The following DEPDC5 variants were observed in gnomAD, a reference collection of about 807,000 sequenced individuals.
DEPDC5 encodes GATOR1 complex protein DEPDC5.
Under a neutral mutation model 217.3 loss-of-function variants are expected in DEPDC5, and 73 were observed. The observed-to-expected ratio is 0.34, with a 90% CI of 0.28 to 0.41. The LOEUF is 0.41. Among genes scored for constraint, DEPDC5 ranks in the 10% least tolerant of loss-of-function variants. DEPDC5 has a pLI of 1.00. For synonymous variants in DEPDC5, 733 were observed against 756.7 expected (o/e 0.97, Z 0.51); for missense variants, 1,675 against 2,070.1 (o/e 0.81, Z 3.70).
chr22:31,811,596 C>T (rs1164603997), intron 20 of DEPDC5, among the ~76,000 whole-genome samples: 3 of 151,318 alleles, frequency 2.0e-5, no homozygotes, highest in Non-Finnish European at 2.9e-5. Context: ...GTCACCCAGG[C>T]TGTAGTGCAG....
At position 31,884,030 on chromosome 22, in the gene DEPDC5, C is replaced by T. The variant is rs186803930; in HGVS notation, c.4033+4278C>T. Reference sequence around the variant, plus strand: ...TGCTATCATTCTCCCTCTCCCACCTCACATCTCACTTTATGTAATCATAGC... The same window carrying T: ...TGCTATCATTCTCCCTCTCCCACCTTACATCTCACTTTATGTAATCATAGC... On this transcript the variant is annotated intron_variant, in intron 38 of 42. Transcript: ENST00000651528. 6.8e-4 allele frequency among the ~76,000 whole-genome samples: 103 copies of T among 152,320 alleles called. No individual in the cohort carries two copies. The East Asian group carries it at 0.011, about 17-fold the overall frequency.
chr22:31,881,921 G>A (rs2093186161), intron 38 of DEPDC5, among the ~76,000 whole-genome samples: 1 of 151,208 alleles, frequency 6.6e-6, no homozygotes, highest in African/African-American at 2.4e-5. Context: ...ACTCCAGCCT[G>A]GGCGACTCCA....
At chr22:31,867,088 G>A (rs950013875) in intron 33 of DEPDC5, among the ~76,000 whole-genome samples, 2 of 152,202 alleles carry the variant, frequency 1.3e-5, no homozygotes, top group East Asian at 1.9e-4. Context: ...AGGTTCATAA[G>A]ATTCTTAAGA....
At chr22:31,836,018 G>A (rs143979410) in intron 25 of DEPDC5, among the ~76,000 whole-genome samples, 2,087 of 152,300 alleles carry the variant, frequency 0.014, 15 homozygotes, top group Middle Eastern at 0.031. Flanking sequence ...TTTCGGCTTC[G>A]TATTGCTCCC....
chr22:31,761,967 CAAAA>C (rs776677814), intron 4 of DEPDC5, among the ~76,000 whole-genome samples: 3 of 61,342 alleles, frequency 4.9e-5, no homozygotes. Flanking sequence ...GACTCCGGCT[CAAAA>C]AAAAAAAAAA....
At chr22:31,882,067 C>T (rs1474193864) in intron 38 of DEPDC5, among the ~76,000 whole-genome samples, 6 of 151,766 alleles carry the variant, frequency 4.0e-5, no homozygotes, top group Admixed American at 3.9e-4. Context: ...GTGGGGAAAA[C>T]CTGTTACAAA....
chr22:31,793,873 A>G (rs1402563804), intron 12 of DEPDC5, among the ~76,000 whole-genome samples: 1 of 152,088 alleles, frequency 6.6e-6, no homozygotes, highest in Non-Finnish European at 1.5e-5. Flanking sequence ...CCTGGCTGAC[A>G]CCACTATCTA....
At chr22:31,786,574 G>A (rs986505131) in intron 10 of DEPDC5, among the ~76,000 whole-genome samples, 4 of 151,148 alleles carry the variant, frequency 2.6e-5, no homozygotes, top group East Asian at 2.0e-4. Context: ...TGCAACCTCC[G>A]CCTCCCAGGT....
At chr22:31,790,113 C>T (rs534789706) in intron 10 of DEPDC5, among the ~76,000 whole-genome samples, 1 of 152,256 alleles carries the variant, frequency 6.6e-6, no homozygotes, top group African/African-American at 2.4e-5. Context: ...CTCTTGGACT[C>T]CCGTGAATTA....
At chr22:31,848,060 G>A (rs1251391632) in intron 31 of DEPDC5, among the ~76,000 whole-genome samples, 1 of 152,224 alleles carries the variant, frequency 6.6e-6, no homozygotes, top group African/African-American at 2.4e-5. Context: ...AAACTTTAAA[G>A]TTCCAAAATG....
intron 31 of DEPDC5, among the ~76,000 whole-genome samples, chr22:31,847,424 CTG>C (rs1198716262): frequency 6.6e-6 from 1 of 151,606 alleles, no homozygotes; most frequent in Non-Finnish European, 1.5e-5. Context: ...ATACCTGGGA[CTG>C]AGTAATTTAT....
intron 20 of DEPDC5, among the ~76,000 whole-genome samples, chr22:31,813,702 C>A (rs2088716338): frequency 6.8e-6 from 1 of 146,538 alleles, no homozygotes; most frequent in South Asian, 2.2e-4. Flanking sequence ...TATATATATG[C>A]ATATATAAAC....
chr22:31,904,636 G>A (rs1203207135), intron 41 of DEPDC5, among the ~76,000 whole-genome samples: 2 of 152,174 alleles, frequency 1.3e-5, no homozygotes, highest in Admixed American at 6.5e-5. Context: ...CTAGCTACTT[G>A]GGAGGCTGGA....
rs1429633077 is a variant in DEPDC5, at chr22:31,858,950, G to A, written c.3264+1397G>A. 2.0e-5 allele frequency: 3 copies of A among 152,192 alleles called. No homozygotes were observed. The East Asian group carries it at 5.8e-4, about 29-fold the overall frequency. The allele number at this position is 152,192 out of a possible 1,614,324, so 9.4% of individuals were successfully genotyped here. A position where few individuals can be genotyped will look rare whatever the true frequency, so the allele number is the denominator to read the frequency against. ...GAAGAAGTATCAGCCAAGGCTGTGG[G>A]CAACTTGTAAACCAAACGTTGGCAA... On this transcript the variant is annotated intron_variant, in intron 32 of 42. Coordinates refer to ENST00000651528, the MANE Select transcript of DEPDC5 (RefSeq NM_001242896.3).
chr22:31,860,974 G>A (rs2092487090), intron 32 of DEPDC5, among the ~76,000 whole-genome samples: 1 of 152,084 alleles, frequency 6.6e-6, no homozygotes, highest in East Asian at 1.9e-4. Context: ...CCTTGGCATA[G>A]GTCTGAAGGA....
chr22:31,822,703 T>A lies in DEPDC5; in HGVS notation c.2017T>A (p.Ser673Thr). 3 of 1,614,084 alleles carry A rather than the reference T, an allele frequency of 1.9e-6. No individual in the cohort carries two copies. The highest frequency in any genetic ancestry group is 2.5e-6 in the Non-Finnish European group (3 of 1,179,976). Residue 673 changes from serine to threonine, a missense_variant, in exon 24 of 43, where the codon TCC (serine) becomes ACC (threonine). Physicochemically the swap from Ser to Thr is moderately conservative, Grantham distance 58. Around this residue, in one of 11 missense-constraint regions of DEPDC5, gnomAD observed 136 missense variants for 132.2 expected, o/e 1.03. Transcript: ENST00000651528. ...CTCTGTTCTCTGCAGGCACAGCAAT[T>A]CCCGCCAGCCTGGTGACGGCATGTC... ...YHEAAGRHSN[S>T]RQPGDGMSFL...
intron 33 of DEPDC5, among the ~76,000 whole-genome samples, 198 bp from the exon 34 acceptor site, chr22:31,870,392 G>C (rs1686800270): frequency 6.6e-6 from 1 of 152,188 alleles, no homozygotes; most frequent in South Asian, 2.1e-4. Context: ...CACAAGACTG[G>C]GTAGAGTCTC....
At chr22:31,802,051 T>C (rs1475828021) in intron 14 of DEPDC5, among the ~76,000 whole-genome samples, 2 of 147,716 alleles carry the variant, frequency 1.4e-5, no homozygotes, top group African/African-American at 4.9e-5. Flanking sequence ...TAAAATAATA[T>C]ATAATATATA....
At chr22:31,903,602 G>A (rs1288308889) in intron 41 of DEPDC5, among the ~76,000 whole-genome samples, 1 of 818 alleles carries the variant, frequency 1.2e-3, no homozygotes, top group African/African-American at 5.7e-3. Context: ...CCTTATACAC[G>A]TAAACTCCCT....
Sources: allele counts gnomAD v4.1 joint callset (sites outside exome capture counted in the v4.1 genomes callset), GRCh38; gene constraint gnomAD v4.1.1; regional missense constraint gnomAD v4.1.1; transcripts MANE v1.5; gene names NCBI Gene and HGNC (gene_info 2026-07-23, HGNC 2026-07-21).